TENM2: variants seen among roughly 807,000 people sequenced by gnomAD.
The protein encoded by TENM2 is teneurin-2.
A neutral mutation model predicts 245.2 loss-of-function variants in TENM2; 52 were observed. That is an observed-to-expected ratio of 0.21 (90% CI 0.17 to 0.27). TENM2 has a LOEUF of 0.27. Ranked by LOEUF, TENM2 falls within the 10% of genes least tolerant of loss-of-function variation. The probability of loss-of-function intolerance (pLI) is 1.00; values close to 1 mark genes in which losing one functional copy is unlikely to be tolerated. For missense variants in TENM2, 3,046 were observed against 3,666.8 expected, an observed-to-expected ratio of 0.83 and a Z score of 4.37; for synonymous variants, 1,363 against 1,438.9, an observed-to-expected ratio of 0.95 and a Z score of 1.19.
At chr5:167,790,197 G>A (rs1380397044) in intron 2 of TENM2, among the ~76,000 whole-genome samples, 5 of 152,010 alleles carry the variant, frequency 3.3e-5, no homozygotes, top group African/African-American at 1.2e-4. Flanking sequence ...CGATTTCTCT[G>A]CATGGATTGA....
At chr5:167,044,092 C>A in the TENM2 span, among the ~76,000 whole-genome samples, 1 of 149,418 alleles carries the variant, frequency 6.7e-6, no homozygotes, top group South Asian at 2.1e-4. Flanking sequence ...AAAGACTGTT[C>A]TAAGGACAGT....
intron 1 of TENM2, among the ~76,000 whole-genome samples, chr5:167,335,071 AAAG>A (rs1239652688): frequency 3.9e-5 from 6 of 152,178 alleles, no homozygotes; most frequent in African/African-American, 1.4e-4. Flanking sequence ...AAAGTAAGGA[AAAG>A]AAAAGAAAAG....
chr5:167,520,932 CTTTTT>C (rs374211778), intron 2 of TENM2, among the ~76,000 whole-genome samples: 10 of 130,486 alleles, frequency 7.7e-5, no homozygotes, highest in Admixed American at 8.0e-5. Flanking sequence ...ATTCTTTTTC[CTTTTT>C]TTTTTTTTTT....
the TENM2 span, among the ~76,000 whole-genome samples, chr5:167,150,278 G>T: frequency 6.6e-6 from 1 of 152,100 alleles, no homozygotes; most frequent in African/African-American, 2.4e-5. Context: ...CCATTTAAAT[G>T]GTTGAACTAG....
chr5:167,683,612 G>A (rs905247333), intron 2 of TENM2, among the ~76,000 whole-genome samples: 2 of 152,126 alleles, frequency 1.3e-5, no homozygotes, highest in Non-Finnish European at 2.9e-5. Context: ...GCCCCAAATA[G>A]CATGGTTTCT....
At chr5:168,109,315 G>A (rs1163049037) in intron 9 of TENM2, among the ~76,000 whole-genome samples, 13 of 152,326 alleles carry the variant, frequency 8.5e-5, no homozygotes, top group Non-Finnish European at 1.5e-4. Flanking sequence ...ATAAAATAGC[G>A]TAAGAAGAAT....
intron 2 of TENM2, among the ~76,000 whole-genome samples, chr5:167,548,627 A>G (rs2127617591): frequency 6.6e-6 from 1 of 152,250 alleles, no homozygotes; most frequent in Middle Eastern, 3.4e-3. Context: ...TTCATTCTAC[A>G]AGGGTTTCCA....
intron 5 of TENM2, among the ~76,000 whole-genome samples, chr5:168,042,121 G>C (rs1788243052): frequency 6.6e-6 from 1 of 152,058 alleles, no homozygotes; most frequent in South Asian, 2.1e-4. Flanking sequence ...ATCCTACCTG[G>C]TCTCTGAATG....
At chr5:167,469,044 T>A (rs1429954931) in intron 2 of TENM2, among the ~76,000 whole-genome samples, 1 of 152,196 alleles carries the variant, frequency 6.6e-6, no homozygotes, top group Non-Finnish European at 1.5e-5. Context: ...AAGAAGTACC[T>A]TTAGATTTAC....
At chr5:168,115,402 A>AAGGG (rs1794996133) in intron 9 of TENM2, among the ~76,000 whole-genome samples, 2 of 82,772 alleles carry the variant, frequency 2.4e-5, no homozygotes, top group South Asian at 7.4e-4. Context: ...GGAAGGAAGG[A>AAGGG]AGGAAGGGAA....
At chr5:167,669,260 G>A (rs574944250) in intron 2 of TENM2, among the ~76,000 whole-genome samples, 11 of 152,164 alleles carry the variant, frequency 7.2e-5, no homozygotes, top group African/African-American at 2.4e-4. Flanking sequence ...ATGGGAAAAA[G>A]AGTGATGCAT....
intron 2 of TENM2, among the ~76,000 whole-genome samples, chr5:167,683,494 A>G (rs1296442711): frequency 6.6e-6 from 1 of 152,230 alleles, no homozygotes; most frequent in Non-Finnish European, 1.5e-5. Context: ...TTGTTGTTAT[A>G]TAAATACCTG....
intron 2 of TENM2, among the ~76,000 whole-genome samples, chr5:167,499,148 G>C (rs529085225): frequency 6.6e-6 from 1 of 152,134 alleles, no homozygotes; most frequent in African/African-American, 2.4e-5. Context: ...TGTCCCGTGG[G>C]ACCTTTTTCT....
chr5:168,172,150 G>A (rs1758894914), intron 13 of TENM2, among the ~76,000 whole-genome samples: 1 of 152,184 alleles, frequency 6.6e-6, no homozygotes, highest in Non-Finnish European at 1.5e-5. Context: ...GTGGGTAGAG[G>A]CCAGGGTTGC....
chr5:168,153,109 C>A (rs957561012), intron 12 of TENM2, among the ~76,000 whole-genome samples: 2 of 152,110 alleles, frequency 1.3e-5, no homozygotes, highest in African/African-American at 2.4e-5. Context: ...CAGCCATGAA[C>A]AACTGAGCCA....
intron 1 of TENM2, among the ~76,000 whole-genome samples, chr5:167,285,541 T>A (rs1771291028): frequency 6.6e-6 from 1 of 152,208 alleles, no homozygotes; most frequent in Non-Finnish European, 1.5e-5. Context: ...AAGTCTTAAT[T>A]TTCCTTTCCT....
At chr5:168,117,030 C>A (rs958960665) in intron 9 of TENM2, among the ~76,000 whole-genome samples, 5 of 152,168 alleles carry the variant, frequency 3.3e-5, no homozygotes, top group Non-Finnish European at 5.9e-5. Flanking sequence ...AGGCTCTTTA[C>A]AAACTGATGC....
intron 1 of TENM2, chr5:167,287,603 C>T (rs1038884471): frequency 6.6e-6 from 1 of 152,232 alleles, no homozygotes; most frequent in African/African-American, 2.4e-5. Flanking sequence ...TGTCCAGTTA[C>T]CCCAGCTGGC....
chr5:167,616,738 A>C (rs1220086964), intron 2 of TENM2, among the ~76,000 whole-genome samples: 1 of 152,084 alleles, frequency 6.6e-6, no homozygotes, highest in East Asian at 1.9e-4. Flanking sequence ...CAAACAGTGT[A>C]ATTGTGTAAT....
Sources: gnomAD v4.1 joint callset for allele counts (sites outside exome capture counted in the v4.1 genomes callset) on GRCh38, gnomAD v4.1.1 for gene constraint, MANE v1.5 for transcripts, NCBI Gene and HGNC (gene_info 2026-07-23, HGNC 2026-07-21) for gene names.